BSN: variants seen among roughly 807,000 people sequenced by gnomAD.
BSN encodes the protein bassoon presynaptic cytomatrix protein, also known as protein bassoon.
BSN carries 57 observed loss-of-function variants against 264.8 expected under a neutral mutation model. The ratio of observed to expected loss-of-function variants is 0.22; its 90% CI spans 0.17 to 0.27. The LOEUF is 0.27. BSN is among the 10% of genes least tolerant of loss of function. The pLI is 1.00. For synonymous variants in BSN, 2,059 were observed against 2,137.3 expected (o/e 0.96, Z 1.01); for missense variants, 4,615 against 5,232.5 (o/e 0.88, Z 3.64).
rs761254127 is a variant in BSN at position 49,652,075 on chromosome 3, A to G, written c.2519A>G (p.Glu840Gly). The change falls in exon 5 of 12, where the codon GAG becomes GGG. Residue 840 changes from glutamate (E) to glycine (G), a missense_variant. Transcript: ENST00000296452. ...GCCCGGGCAGCAGAACTGACTGATGAGGATTTCATGCGACGGCAGATTCTC... is the reference window on the plus strand; with the variant it reads ...GCCCGGGCAGCAGAACTGACTGATGGGGATTTCATGCGACGGCAGATTCTC... ...PPARAAELTD[E>G]DFMRRQILEM... 3 of 1,610,304 alleles carry G rather than the reference A, an allele frequency of 1.9e-6. No individual in the cohort carries two copies. The highest frequency in any genetic ancestry group is 1.1e-5 in the South Asian group (1 of 90,678).
At chr3:49,569,692 C>T (rs1055603640) in intron 1 of BSN, among the ~76,000 whole-genome samples, 2 of 152,174 alleles carry the variant, frequency 1.3e-5, no homozygotes, top group African/African-American at 4.8e-5. Flanking sequence ...GGGCAGTTCA[C>T]TTGAAAGGCC....
Position 49,565,144 on chromosome 3 carries a change from CTTTTTT to C in BSN, c.224+10332_224+10337del, listed in dbSNP as rs971015437. ...TTTTTTTTTTGGACTAGAGGATTTT[CTTTTTT>C]TTTTTTTTTTTTTGAGACGGAGTCT... On this transcript the variant is annotated intron_variant, in intron 1 of 11. Transcript: ENST00000296452. Among the ~76,000 whole-genome samples, 8 of 104,578 alleles carry C rather than the reference CTTTTTT, an allele frequency of 7.6e-5. No individual in the cohort carries two copies. In the East Asian group the frequency reaches 1.7e-3, roughly 22 times the overall value. The allele number at this position is 104,578 out of a possible 152,430, so 68.6% of individuals were successfully genotyped here.
chr3:49,561,823 T>C (rs1269599391), intron 1 of BSN, among the ~76,000 whole-genome samples: 2 of 152,134 alleles, frequency 1.3e-5, no homozygotes. Context: ...TTCTTTTTTT[T>C]TTGAGACAAA....
Position 49,670,424 on chromosome 3 carries a change from G to A in BSN, c.*2939G>A, listed in dbSNP as rs2052746776. 5.9e-5 allele frequency: 9 copies of A among 152,348 alleles called. No homozygotes were observed. The highest frequency in any genetic ancestry group is 5.2e-4 in the Admixed American group (8 of 15,290). 9.4% of individuals were successfully genotyped at this position (152,348 alleles called of 1,614,324 possible). On this transcript the variant is annotated 3_prime_UTR_variant, in exon 12 of 12. Transcript: ENST00000296452. ...TTTCCTTTCTGGCCAAGCCCTCTGA[G>A]TTTGAAATTCTGACATCTGCCACTC...
Position 49,661,396 on chromosome 3 carries a change from C to T in BSN, c.9551C>T (p.Ala3184Val). Reference sequence around the variant, plus strand: ...TCTGAAACCAGCTACAGTGGCCCAGCAGTGAGCAGCGGCTATGAGCAGGGC... The same window carrying T: ...TCTGAAACCAGCTACAGTGGCCCAGTAGTGAGCAGCGGCTATGAGCAGGGC... ...APSETSYSGP[A>V]VSSGYEQGKV... is the part of the protein sequence containing the mutation. The change falls in exon 6 of 12, where the codon GCA (alanine) becomes GTA (valine). Residue 3184 changes from alanine to valine, a missense_variant. Ala to Val is a moderately conservative substitution (Grantham distance 64). Transcript: ENST00000296452. 1 of 1,614,006 alleles carries T rather than the reference C, an allele frequency of 6.2e-7. No individual in the cohort carries two copies. The highest frequency in any genetic ancestry group is 1.3e-5 in the African/African-American group (1 of 75,046).
chr3:49,604,314 T>C (rs372333030), intron 1 of BSN, among the ~76,000 whole-genome samples: 6 of 152,226 alleles, frequency 3.9e-5, no homozygotes, highest in African/African-American at 1.4e-4. Flanking sequence ...ACCATCCATC[T>C]CCAGAACTTT....
chr3:49,602,235 T>C (rs1022821139), intron 1 of BSN, among the ~76,000 whole-genome samples: 1 of 152,194 alleles, frequency 6.6e-6, no homozygotes. Flanking sequence ...CCTGCTGTGC[T>C]CTGATGCTCT....
chr3:49,573,936 C>T (rs2051818910), intron 1 of BSN, among the ~76,000 whole-genome samples: 1 of 151,850 alleles, frequency 6.6e-6, no homozygotes, highest in African/African-American at 2.4e-5. Context: ...GGATTACAGG[C>T]ATGAGCCACT....
chr3:49,650,818 A>G lies in BSN; in HGVS notation c.1725A>G (p.Leu575=). 1 of 1,614,032 alleles carries G rather than the reference A, an allele frequency of 6.2e-7. No individual in the cohort carries two copies. Among genetic ancestry groups the G allele is most frequent in the Admixed American group, 1.7e-5 (1 of 59,996 alleles). The change falls in exon 4 of 12, where the codon CTA becomes CTG. Residue 575 remains leucine, a synonymous_variant. Coordinates refer to ENST00000296452, the MANE Select transcript of BSN (RefSeq NM_003458.4). The part of the protein sequence containing the change: ...SGPLPAKASP[L]STKASPLPSK... ...CCCTGCCTGCCAAGGCCAGCCCTCT[A>G]TCCACCAAGGCCAGCCCTCTGCCCA...
At position 49,656,653 on chromosome 3, in the gene BSN, G is replaced by T. The variant is rs749253909; in HGVS notation, c.7097G>T (p.Arg2366Leu). ...KEEASQEERQRKQQEQLLQLE... is the reference protein window; with the variant it reads ...KEEASQEERQLKQQEQLLQLE... ...GAAGCATCACAGGAGGAGAGGCAGC[G>T]GAAGCAACAGGAGCAGCTGCTCCAG... Residue 2366 changes from arginine (R) to leucine (L), a missense_variant, in exon 5 of 12, where the codon CGG becomes CTG. By Grantham distance (102) the Arg-to-Leu change is moderately radical. This residue lies in a region of BSN where 3,415 missense variants were observed against 3,866.4 expected (regional missense o/e 0.88). Coordinates refer to ENST00000296452, the MANE Select transcript of BSN (RefSeq NM_003458.4). The T allele has an allele frequency of 6.2e-7, 1 of 1,607,818 alleles. No individual in the cohort carries two copies. Among genetic ancestry groups the T allele is most frequent in the Non-Finnish European group, 8.5e-7 (1 of 1,177,340 alleles).
At chr3:49,593,379 T>G (rs2051995275) in intron 1 of BSN, among the ~76,000 whole-genome samples, 1 of 152,236 alleles carries the variant, frequency 6.6e-6, no homozygotes, top group African/African-American at 2.4e-5. Context: ...CAGATTTTTG[T>G]GCAAACACAA....
chr3:49,620,136 G>A (rs1021632669), intron 1 of BSN, among the ~76,000 whole-genome samples: 41 of 152,278 alleles, frequency 2.7e-4, no homozygotes, highest in Admixed American at 9.2e-4. Context: ...CTGAAAGGAT[G>A]CCACCAGAGC....
Position 49,654,237 on chromosome 3 carries a change from C to T in BSN, c.4681C>T (p.Leu1561=). The change falls in exon 5 of 12, where the codon CTG becomes TTG. Residue 1561 remains leucine (L), a synonymous_variant. Coordinates refer to ENST00000296452, the MANE Select transcript of BSN (RefSeq NM_003458.4). This position sits in a 1 kb window ranked among gnomAD's most constrained non-coding sequence, Gnocchi z 4.1. ...AGAGGCTCCCTTTATGGTCATCACG[C>T]TGGCATCTGACGCCTCCAGCCAGAC... ...SQEAPFMVIT[L]ASDASSQTRM... 6.2e-7 allele frequency: 1 copy of T among 1,613,368 alleles called. No individual in the cohort carries two copies. The highest frequency in any genetic ancestry group is 8.5e-7 in the Non-Finnish European group (1 of 1,179,730).
Position 49,652,433 on chromosome 3 carries a change from G to A in BSN, c.2877G>A (p.Glu959=). The A allele has an allele frequency of 1.2e-6, 2 of 1,612,976 alleles. No homozygotes were observed. The highest frequency in any genetic ancestry group is 1.7e-6 in the Non-Finnish European group (2 of 1,179,472). Residue 959 remains glutamate, a synonymous_variant, in exon 5 of 12, where the codon GAG becomes GAA. Transcript: ENST00000296452. ...GQGPDPSLDR[E]PELEMESLTG... ...GCCCAGACCCCAGTCTGGACCGGGA[G>A]CCTGAGCTGGAGATGGAGAGCCTAA...
At chr3:49,565,254 T>C (rs1339845889) in intron 1 of BSN, among the ~76,000 whole-genome samples, 1 of 147,810 alleles carries the variant, frequency 6.8e-6, no homozygotes, top group Non-Finnish European at 1.5e-5. Flanking sequence ...CATGCCATTC[T>C]CCTGCCTCAG....
In BSN at chr3:49,663,658, G is replaced by T; in HGVS notation, c.11500G>T (p.Ala3834Ser). The part of the protein sequence containing the change: ...GPSTATGPQP[A>S]GPPRAEQTNG... ...CAGCACAGCCACAGGTCCTCAACCA[G>T]CAGGACCGGTAAGCAGAGCTCCCAT... The change falls in exon 7 of 12, where the codon GCA becomes TCA. Residue 3834 changes from alanine (A) to serine (S), a missense_variant. By Grantham distance (99) the Ala-to-Ser change is moderately conservative (BLOSUM62 1). Transcript: ENST00000296452. 1 of 1,604,180 alleles carries T rather than the reference G, an allele frequency of 6.2e-7. No individual in the cohort carries two copies. The highest frequency in any genetic ancestry group is 1.3e-5 in the African/African-American group (1 of 74,882).
intron 5 of BSN, 74 bp downstream of exon 5, chr3:49,658,270 C>T: frequency 6.8e-7 from 1 of 1,463,462 alleles, no homozygotes; most frequent in East Asian, 2.4e-5. Context: ...CAGGGAGGGG[C>T]TTCTTCTGGG....
intron 1 of BSN, among the ~76,000 whole-genome samples, chr3:49,596,028 T>C (rs2108028293): frequency 6.6e-6 from 1 of 152,348 alleles, no homozygotes; most frequent in East Asian, 1.9e-4. Context: ...ACTTCCATTA[T>C]TATGTTGAAT....
intron 1 of BSN, among the ~76,000 whole-genome samples, chr3:49,595,643 C>T (rs1299443608): frequency 6.6e-6 from 1 of 152,196 alleles, no homozygotes; most frequent in Non-Finnish European, 1.5e-5. Context: ...AGGCATGAGC[C>T]ACCACACCCA....
Sources: gnomAD v4.1 joint callset for allele counts (sites outside exome capture counted in the v4.1 genomes callset) on GRCh38, gnomAD v4.1.1 for gene constraint, gnomAD v4.1.1 regional missense constraint, Gnocchi (gnomAD v3.1) non-coding constraint, MANE v1.5 for transcripts, NCBI Gene and HGNC (gene_info 2026-07-23, HGNC 2026-07-21) for gene names.